CRYM: variants seen among roughly 807,000 people sequenced by gnomAD.
CRYM encodes the protein ketimine reductase mu-crystallin.
A neutral mutation model predicts 32.9 loss-of-function variants in CRYM; 18 were observed. The observed-to-expected ratio is 0.55, with a 90% CI of 0.38 to 0.81. The LOEUF (loss-of-function observed/expected upper bound fraction) is 0.81. Among genes scored for constraint, CRYM ranks in the 30% least tolerant of loss-of-function variants. The pLI is 0.00. For synonymous variants in CRYM, 153 were observed against 152.4 expected (o/e 1.00, Z -0.03); for missense variants, 337 against 393.5 (o/e 0.86, Z 1.21).
At position 21,277,432 on chromosome 16, in the gene CRYM, G is replaced by A. The variant is rs553362900; in HGVS notation, c.323C>T (p.Ala108Val). The change falls in exon 2 of 8, where the codon GCG (alanine) becomes GTG (valine). Residue 108 changes from alanine to valine, a missense_variant and splice_region_variant. Physicochemically the swap from Ala to Val is moderately conservative, Grantham distance 64 (BLOSUM62 0). Transcript: ENST00000572914. The surrounding 1 kb of genome is among the most constrained non-coding windows in gnomAD (Gnocchi z 4.2). ...LFEPSNGTLL[A>V]VMDGNVITAK... ...ACCCCGGGACAGGAAGTTGCTCACC[G>A]CCAGCAGGGTGCCATTGCTGGGCTC... 60 of 1,612,772 alleles carry A rather than the reference G, an allele frequency of 3.7e-5. No individual in the cohort carries two copies. Among genetic ancestry groups the A allele is most frequent in the Non-Finnish European group, 4.7e-5 (55 of 1,179,868 alleles).
At chr16:21,283,922 G>A (rs2152864057) in intron 1 of CRYM, 1 of 152,996 alleles carries the variant, frequency 6.5e-6, no homozygotes, top group South Asian at 2.1e-4. Context: ...CCAACCAGAT[G>A]GACGCGCACC....
intron 7 of CRYM, 95 bp downstream of exon 7, chr16:21,261,159 G>A: frequency 1.1e-6 from 1 of 905,232 alleles, no homozygotes; most frequent in Non-Finnish European, 1.9e-6. Context: ...CAATGATTCA[G>A]CTGCAGAGTC....
chr16:21,289,410 CGTTT>C (rs1960556370), intron 1 of CRYM, among the ~76,000 whole-genome samples: 1 of 152,098 alleles, frequency 6.6e-6, no homozygotes, highest in African/African-American at 2.4e-5. Context: ...TTTTGGTTAC[CGTTT>C]GCATTGAATA....
chr16:21,302,523 C>G (rs1960976684), intron 1 of CRYM, among the ~76,000 whole-genome samples: 1 of 152,212 alleles, frequency 6.6e-6, no homozygotes, highest in Admixed American at 6.5e-5. Flanking sequence ...GAGACCAGAA[C>G]TCAGTCTAAA....
At chr16:21,273,840 C>G (rs2093380850) in intron 3 of CRYM, among the ~76,000 whole-genome samples, 1 of 152,218 alleles carries the variant, frequency 6.6e-6, no homozygotes, top group African/African-American at 2.4e-5. Flanking sequence ...ATACAAGATT[C>G]ATTCTGTTCC....
intron 7 of CRYM, 94 bp downstream of exon 7, chr16:21,261,160 C>G: frequency 1.1e-6 from 1 of 909,706 alleles, no homozygotes; most frequent in Non-Finnish European, 1.8e-6. Context: ...AATGATTCAG[C>G]TGCAGAGTCT....
At chr16:21,296,185 G>T (rs544997375) in intron 1 of CRYM, among the ~76,000 whole-genome samples, 1 of 152,166 alleles carries the variant, frequency 6.6e-6, no homozygotes, top group African/African-American at 2.4e-5. Context: ...TGATCCACCC[G>T]CCTTGGCCTC....
At chr16:21,282,431 GT>G (rs397967660), upstream of CRYM, among the ~76,000 whole-genome samples, 34 of 148,882 alleles carry the variant, frequency 2.3e-4, 1 homozygote, top group Admixed American at 6.0e-4. Flanking sequence ...AAATTGTGTG[GT>G]TTTTTTTTTA....
chr16:21,258,725 T>G lies in CRYM; in HGVS notation c.*56A>C. 2.3e-4 allele frequency: 334 copies of G among 1,470,072 alleles called. No individual in the cohort carries two copies. Among genetic ancestry groups the G allele is most frequent in the Non-Finnish European group, 2.9e-4 (302 of 1,049,698 alleles). The allele number at this position is 1,470,072 out of a possible 1,614,324, so 91.1% of individuals were successfully genotyped here. On this transcript the variant is annotated 3_prime_UTR_variant, in exon 8 of 8. Coordinates refer to ENST00000572914, the MANE Select transcript of CRYM (RefSeq NM_001376256.1). ...ACTCCCTCATTTACTCTAGAAATTA[T>G]GAGAACCAGCAGCAATATTCCTCAA...
Position 21,267,647 on chromosome 16 carries a change from C to G in CRYM, c.580G>C (p.Ala194Pro), listed in dbSNP as rs1156965560. 18 of 1,614,092 alleles carry G rather than the reference C, an allele frequency of 1.1e-5. No homozygotes were observed. Among genetic ancestry groups the G allele is most frequent in the Non-Finnish European group, 1.5e-5 (18 of 1,180,034 alleles). ...ATGATCACATCTGCACCTGCCACAG[C>G]CTCCTGGACCGAAGAACAGACCCGT... Reference protein sequence around the residue: ...EVRVCSSVQEAVAGADVIITV... With the variant: ...EVRVCSSVQEPVAGADVIITV... Residue 194 changes from alanine (A) to proline (P), a missense_variant, in exon 5 of 8, where the codon GCT becomes CCT. Coordinates refer to ENST00000572914, the MANE Select transcript of CRYM (RefSeq NM_001376256.1).
At chr16:21,294,346 T>A (rs933448674) in intron 1 of CRYM, among the ~76,000 whole-genome samples, 4 of 152,134 alleles carry the variant, frequency 2.6e-5, no homozygotes, top group South Asian at 2.1e-4. Context: ...ATTATTTTTT[T>A]AAATTTACTT....
chr16:21,270,598 T>C (rs1042596554), intron 3 of CRYM, among the ~76,000 whole-genome samples: 2 of 152,190 alleles, frequency 1.3e-5, no homozygotes, highest in African/African-American at 4.8e-5. Flanking sequence ...CTTACAACTA[T>C]TGAAGGGCAC....
At chr16:21,264,347 C>T (rs185231458) in intron 5 of CRYM, among the ~76,000 whole-genome samples, 2 of 152,288 alleles carry the variant, frequency 1.3e-5, no homozygotes, top group Admixed American at 6.5e-5. Flanking sequence ...GCTTATGAGC[C>T]GGGCGAGTTC....
intron 5 of CRYM, among the ~76,000 whole-genome samples, chr16:21,264,518 A>C (rs1312695035): frequency 6.6e-6 from 1 of 152,148 alleles, no homozygotes; most frequent in African/African-American, 2.4e-5. Context: ...GGAGGGAGGC[A>C]TGGGGCAGGG....
At position 21,277,383 on chromosome 16, in the gene CRYM, A is replaced by C. The variant is rs576008826; in HGVS notation, c.324+48T>G. 16 of 1,604,652 alleles carry C rather than the reference A, an allele frequency of 1.0e-5. No individual in the cohort carries two copies. In the South Asian group the frequency reaches 1.7e-4, roughly 17 times the overall value. ...GCGGAGAACTTACTTTTGAGCTTCA[A>C]TCTGGGCCCAGGGGCCCCATTCCAC... On this transcript the variant is annotated intron_variant, in intron 2 of 7. Coordinates refer to ENST00000572914, the MANE Select transcript of CRYM (RefSeq NM_001376256.1). This position sits in a 1 kb window ranked among gnomAD's most constrained non-coding sequence, Gnocchi z 4.2.
At chr16:21,278,688 G>T, upstream of CRYM, 1 of 213,104 alleles carries the variant, frequency 4.7e-6, no homozygotes, top group Non-Finnish European at 9.4e-6. Context: ...TTAAATTACT[G>T]CCTACTGCTA....
intron 1 of CRYM, among the ~76,000 whole-genome samples, chr16:21,302,141 G>T (rs1224591634): frequency 6.6e-6 from 1 of 152,196 alleles, no homozygotes; most frequent in East Asian, 1.9e-4. Context: ...TTTTATATTG[G>T]CTATGCAAAG....
At chr16:21,284,883 A>T (rs1177710668) in intron 1 of CRYM, among the ~76,000 whole-genome samples, 1 of 152,224 alleles carries the variant, frequency 6.6e-6, no homozygotes, top group Non-Finnish European at 1.5e-5. Context: ...ACAAATTTAC[A>T]TTCCCACCAA....
At position 21,258,707 on chromosome 16, in the gene CRYM, C is replaced by T; in HGVS notation, c.*74G>A. 7.7e-7 allele frequency: 1 copy of T among 1,302,028 alleles called. No homozygotes were observed. 80.7% of individuals were successfully genotyped at this position (1,302,028 alleles called of 1,614,324 possible). The stretch of plus-strand genomic sequence containing the variant: ...GAGTTCACTGGGGACTGGACTCCCT[C>T]ATTTACTCTAGAAATTATGAGAACC... On this transcript the variant is annotated 3_prime_UTR_variant, in exon 8 of 8. Coordinates refer to ENST00000572914, the MANE Select transcript of CRYM (RefSeq NM_001376256.1).
Sources: allele counts gnomAD v4.1 joint callset (sites outside exome capture counted in the v4.1 genomes callset), GRCh38; gene constraint gnomAD v4.1.1; non-coding constraint Gnocchi (gnomAD v3.1); transcripts MANE v1.5; gene names NCBI Gene and HGNC (gene_info 2026-07-23, HGNC 2026-07-21).